STARD9: variants seen among roughly 807,000 people sequenced by gnomAD.
STARD9 encodes stAR-related lipid transfer protein 9.
A neutral mutation model predicts 399.8 loss-of-function variants in STARD9; 346 were observed. That is an observed-to-expected ratio of 0.87 (90% CI 0.79 to 0.95). The LOEUF (loss-of-function observed/expected upper bound fraction) is 0.95, where lower values mean the gene tolerates loss of function less well. Among genes scored for constraint, STARD9 ranks in the 40% least tolerant of loss-of-function variants. STARD9 has a pLI of 0.00. For missense variants in STARD9, 5,832 were observed against 5,667.5 expected, an observed-to-expected ratio of 1.03 and a Z score of -0.93; for synonymous variants, 2,203 against 2,143.5, an observed-to-expected ratio of 1.03 and a Z score of -0.77.
intron 3 of STARD9, among the ~76,000 whole-genome samples, chr15:42,626,390 CTCTTCCTCCTCCTCT>C (rs1180107107): frequency 5.4e-5 from 8 of 147,206 alleles, no homozygotes; most frequent in Admixed American, 2.1e-4. Flanking sequence ...CCTCCTCTTC[CTCTTCCTCCTCCTCT>C]TCTTCCTCCT....
intron 3 of STARD9, among the ~76,000 whole-genome samples, chr15:42,607,023 C>T (rs2058739758): frequency 6.6e-6 from 1 of 151,826 alleles, no homozygotes; most frequent in Non-Finnish European, 1.5e-5. Context: ...TCATAGCTCA[C>T]TGCAGCCTCT....
At chr15:42,719,189 T>C (rs1181339595) in intron 32 of STARD9, among the ~76,000 whole-genome samples, 2 of 152,190 alleles carry the variant, frequency 1.3e-5, no homozygotes, top group Admixed American at 1.3e-4. Context: ...CCTTAGGAGA[T>C]AGATGAGTCA....
chr15:42,696,947 A>G (rs1186548520), intron 26 of STARD9, among the ~76,000 whole-genome samples: 1 of 152,220 alleles, frequency 6.6e-6, no homozygotes, highest in African/African-American at 2.4e-5. Flanking sequence ...AGCAGTTGGA[A>G]ATATAGAGCT....
chr15:42,668,924 C>T (rs1489416124), intron 15 of STARD9, among the ~76,000 whole-genome samples: 1 of 151,998 alleles, frequency 6.6e-6, no homozygotes, highest in African/African-American at 2.4e-5. Flanking sequence ...TTAAAAATAA[C>T]ATTTATTGAG....
intron 7 of STARD9, among the ~76,000 whole-genome samples, chr15:42,650,293 A>T (rs1394004665): frequency 2.6e-5 from 4 of 152,196 alleles, no homozygotes; most frequent in African/African-American, 4.8e-5. Flanking sequence ...TGTATTTAGC[A>T]ATAAGCCCAT....
intron 25 of STARD9, 84 bp from the exon 26 acceptor site, chr15:42,695,659 G>C: frequency 7.0e-7 from 1 of 1,437,858 alleles, no homozygotes; most frequent in South Asian, 1.4e-5. Context: ...AGCAGGGAAG[G>C]GGTGGCTTTG....
intron 3 of STARD9, among the ~76,000 whole-genome samples, chr15:42,610,696 G>A (rs566475856): frequency 4.2e-4 from 64 of 152,152 alleles, no homozygotes; most frequent in South Asian, 2.7e-3. Flanking sequence ...ACAGGCACCC[G>A]CCACCACGCC....
rs869040683 is a variant in STARD9, at chr15:42,677,089, TAAAAAAAAAAAAAA to T, written c.1874+1129_1874+1142del. On this transcript the variant is annotated intron_variant, in intron 20 of 32. Coordinates refer to ENST00000290607, the MANE Select transcript of STARD9 (RefSeq NM_020759.3). Reference sequence around the variant, plus strand: ...AACATGGTGAAACCCCGTCTCTACTTAAAAAAAAAAAAAAAAAAAAAAAAAAAAGCTGGGCATGG... The same window carrying T: ...AACATGGTGAAACCCCGTCTCTACTTAAAAAAAAAAAAAAGCTGGGCATGG... 4.1e-3 allele frequency among the ~76,000 whole-genome samples: 220 copies of T among 53,616 alleles called. 2 individuals carry two copies. Among genetic ancestry groups the T allele is most frequent in the African/African-American group, 0.018 (212 of 11,564 alleles). The allele number at this position is 53,616 out of a possible 152,430, so 35.2% of individuals were successfully genotyped here.
At chr15:42,665,907 T>C in intron 15 of STARD9, 59 bp downstream of exon 15, 1 of 1,410,448 alleles carries the variant, frequency 7.1e-7, no homozygotes, top group Non-Finnish European at 9.7e-7. Context: ...CCTCCATTAT[T>C]CCGGAGCTAG....
At position 42,684,492 on chromosome 15, in the gene STARD9, A is replaced by G. The variant is rs954247745; in HGVS notation, c.2914A>G (p.Thr972Ala). The G allele has an allele frequency of 1.0e-5, 16 of 1,537,016 alleles. No individual in the cohort carries two copies. The highest frequency in any genetic ancestry group is 8.2e-5 in the African/African-American group (6 of 73,030). Residue 972 changes from threonine to alanine, a missense_variant, in exon 23 of 33, where the codon ACC becomes GCC. Around this residue, in one of 2 missense-constraint regions of STARD9, gnomAD observed 5,828 missense variants for 5,651.1 expected, o/e 1.03. Coordinates refer to ENST00000290607, the MANE Select transcript of STARD9 (RefSeq NM_020759.3). ...TGAGCCAAAGATCTTCACCTCTACT[A>G]CCCAGACCAGAGGGGCGAAGGGACT... The part of the protein sequence containing the change: ...RHEPKIFTST[T>A]QTRGAKGLAD...
At position 42,719,507 on chromosome 15, in the gene STARD9, T is replaced by A. The variant is rs1325666334; in HGVS notation, c.14036T>A (p.Leu4679His). The A allele has an allele frequency of 3.0e-5, 46 of 1,537,106 alleles. No individual in the cohort carries two copies. The East Asian group carries it at 1.1e-3, about 37-fold the overall frequency. The change falls in exon 33 of 33, where the codon CTC becomes CAC. Residue 4679 changes from leucine to histidine, a missense_variant. Physicochemically the swap from Leu to His is moderately conservative, Grantham distance 99. Coordinates refer to ENST00000290607, the MANE Select transcript of STARD9 (RefSeq NM_020759.3). ...GGTGCTCCAGGCTTCCCACCTCAGC[T>A]CCTGAGCTCTTTCATCAAACGGCAG... ...ELGAPGFPPQ[L>H]LSSFIKRQPL...
At chr15:42,662,468 T>TA (rs2060010401) in intron 10 of STARD9, among the ~76,000 whole-genome samples, 1 of 152,174 alleles carries the variant, frequency 6.6e-6, no homozygotes, top group Admixed American at 6.5e-5. Context: ...TATAGGAATT[T>TA]AAAACAATAG....
rs2060738228 is a variant in STARD9 at position 42,692,665 on chromosome 15, G to T, written c.11087G>T (p.Gly3696Val). ...QLLHSTSELL[G>V]SLSQPDVARR... ...CTGCACAGTACCTCAGAGCTGCTTG[G>T]GAGTCTCTCCCAGCCAGATGTGGCC... is the stretch of plus-strand genomic sequence containing the variant. The change falls in exon 23 of 33, where the codon GGG becomes GTG. Residue 3696 changes from glycine to valine, a missense_variant. Around this residue, in one of 2 missense-constraint regions of STARD9, gnomAD observed 5,828 missense variants for 5,651.1 expected, o/e 1.03. Coordinates refer to ENST00000290607, the MANE Select transcript of STARD9 (RefSeq NM_020759.3). 5 of 1,537,130 alleles carry T rather than the reference G, an allele frequency of 3.3e-6. No individual in the cohort carries two copies. The highest frequency in any genetic ancestry group is 4.4e-6 in the Non-Finnish European group (5 of 1,146,892).
At chr15:42,597,548 G>GT (rs1325593482) in intron 3 of STARD9, among the ~76,000 whole-genome samples, 4 of 150,872 alleles carry the variant, frequency 2.7e-5, no homozygotes, top group Admixed American at 6.6e-5. Flanking sequence ...TTGTTTGTTT[G>GT]TTTTTTTAAA....
intron 8 of STARD9, among the ~76,000 whole-genome samples, chr15:42,652,288 A>G (rs995914270): frequency 6.6e-6 from 1 of 151,838 alleles, no homozygotes; most frequent in Non-Finnish European, 1.5e-5. Flanking sequence ...AAAAAGTTTC[A>G]GTGTAGTTTA....
chr15:42,593,563 C>T (rs1292809475), intron 3 of STARD9, among the ~76,000 whole-genome samples: 1 of 150,424 alleles, frequency 6.6e-6, no homozygotes, highest in Non-Finnish European at 1.5e-5. Context: ...AAAAAAAAAT[C>T]ATGTTGAGTG....
At chr15:42,673,273 G>T (rs1304539404) in intron 16 of STARD9, among the ~76,000 whole-genome samples, 1 of 151,834 alleles carries the variant, frequency 6.6e-6, no homozygotes, top group Non-Finnish European at 1.5e-5. Context: ...GTGGTGGCAG[G>T]CACCTGTAGT....
In STARD9 at chr15:42,689,657, A is replaced by G. The variant is rs1202590055; in HGVS notation, c.8079A>G (p.Ile2693Met). The change falls in exon 23 of 33, where the codon ATA becomes ATG. Residue 2693 changes from isoleucine to methionine, a missense_variant. Ile to Met is a conservative substitution (Grantham distance 10). Around this residue, in one of 2 missense-constraint regions of STARD9, gnomAD observed 5,828 missense variants for 5,651.1 expected, o/e 1.03. Transcript: ENST00000290607. ...RQFAGASEPF[I>M]CHSSSSEIIE... is the part of the protein sequence containing the mutation. ...TCGCGGGAGCAAGTGAACCATTTAT[A>G]TGTCACTCTAGTTCTTCTGAAATCA... 3 of 1,537,634 alleles carry G rather than the reference A, an allele frequency of 2.0e-6. No individual in the cohort carries two copies. In the African/African-American group the frequency reaches 4.1e-5, roughly 21 times the overall value.
chr15:42,687,400 G>C lies in STARD9; in HGVS notation c.5822G>C (p.Gly1941Ala). The C allele has an allele frequency of 6.5e-7, 1 of 1,536,864 alleles. No homozygotes were observed. The highest frequency in any genetic ancestry group is 8.7e-7 in the Non-Finnish European group (1 of 1,146,910). Residue 1941 changes from glycine to alanine, a missense_variant, in exon 23 of 33, where the codon GGG (glycine) becomes GCG (alanine). Gly to Ala is a moderately conservative substitution (Grantham distance 60, BLOSUM62 0). Coordinates refer to ENST00000290607, the MANE Select transcript of STARD9 (RefSeq NM_020759.3). ...GTAAGCCTTGAGAAAGACATGCCAG[G>C]GGAAAGTGCTGTTTCTTTGAAATCC... The part of the protein sequence containing the change: ...INVSLEKDMP[G>A]ESAVSLKSRS...
Sources: gnomAD v4.1 joint callset for allele counts (sites outside exome capture counted in the v4.1 genomes callset) on GRCh38, gnomAD v4.1.1 for gene constraint, gnomAD v4.1.1 regional missense constraint, MANE v1.5 for transcripts, NCBI Gene and HGNC (gene_info 2026-07-23, HGNC 2026-07-21) for gene names.